ARHGAP24: variants seen among roughly 807,000 people sequenced by gnomAD.
ARHGAP24 encodes Rho GTPase activating protein 24.
Under a neutral mutation model 76.4 loss-of-function variants are expected in ARHGAP24, and 50 were observed. That is an observed-to-expected ratio of 0.65 (90% CI 0.52 to 0.83). The LOEUF is 0.83. Among genes scored for constraint, ARHGAP24 ranks in the 40% least tolerant of loss-of-function variants. The pLI, the probability that ARHGAP24 is intolerant of heterozygous loss-of-function variation, is 0.00. For synonymous variants in ARHGAP24, 345 were observed against 323.3 expected (o/e 1.07, Z -0.72); for missense variants, 930 against 914.2 (o/e 1.02, Z -0.22).
At position 85,902,095 on chromosome 4, in the gene ARHGAP24, G is replaced by T. The variant is rs556110626; in HGVS notation, c.269-21553G>T. ...GCAGTGTTTGGTTTTCTGTTCTTGTGTGAGTTTGCTGAGAATGATGGCTTC... is the reference window on the plus strand; with the variant it reads ...GCAGTGTTTGGTTTTCTGTTCTTGTTTGAGTTTGCTGAGAATGATGGCTTC... On this transcript the variant is annotated intron_variant, in intron 3 of 9. Transcript: ENST00000395184. Among the ~76,000 whole-genome samples, 54 of 152,262 alleles carry T rather than the reference G, an allele frequency of 3.5e-4. No individual in the cohort carries two copies. In the Middle Eastern group the frequency reaches 0.01, roughly 29 times the overall value.
At chr4:85,972,440 G>A (rs1230118758) in intron 6 of ARHGAP24, 2 of 440,536 alleles carry the variant, frequency 4.5e-6, no homozygotes, top group Non-Finnish European at 8.4e-6. Flanking sequence ...TGCTATGTCA[G>A]GCCACACATC....
At chr4:85,576,714 TG>T (rs1727391692) in intron 2 of ARHGAP24, among the ~76,000 whole-genome samples, 1 of 152,158 alleles carries the variant, frequency 6.6e-6, no homozygotes, top group African/African-American at 2.4e-5. Context: ...TTCCTAGAAA[TG>T]ATTATATGAA....
intron 2 of ARHGAP24, among the ~76,000 whole-genome samples, chr4:85,642,113 G>A (rs1721546597): frequency 6.6e-6 from 1 of 152,104 alleles, no homozygotes; most frequent in Admixed American, 6.6e-5. Context: ...AAGGCAGGCT[G>A]TAAAATTTCT....
chr4:85,653,131 A>T lies in ARHGAP24; in HGVS notation c.181-68754A>T, dbSNP rs373776992. 2.0e-5 allele frequency among the ~76,000 whole-genome samples: 3 copies of T among 152,232 alleles called. No individual in the cohort carries two copies. The East Asian group carries it at 5.8e-4, about 29-fold the overall frequency. On this transcript the variant is annotated intron_variant, in intron 2 of 9. Coordinates refer to ENST00000395184, the MANE Select transcript of ARHGAP24 (RefSeq NM_001025616.3). Reference sequence around the variant, plus strand: ...ATTATGTCCAAAACAAGGTACAGTCAGATACAATTTTAAACCATAAATGAT... The same window carrying T: ...ATTATGTCCAAAACAAGGTACAGTCTGATACAATTTTAAACCATAAATGAT...
At chr4:85,776,951 A>G (rs957039615) in intron 3 of ARHGAP24, among the ~76,000 whole-genome samples, 9 of 152,228 alleles carry the variant, frequency 5.9e-5, no homozygotes, top group Admixed American at 5.2e-4. Context: ...TGCAAGTAAT[A>G]TGTATCAATG....
At chr4:85,752,188 AGT>A (rs1188192042) in intron 3 of ARHGAP24, among the ~76,000 whole-genome samples, 1 of 152,166 alleles carries the variant, frequency 6.6e-6, no homozygotes, top group African/African-American at 2.4e-5. Context: ...TGGTATGGGG[AGT>A]GTCCTCAAAG....
At chr4:85,979,130 G>A (rs1739496352) in intron 8 of ARHGAP24, among the ~76,000 whole-genome samples, 2 of 152,098 alleles carry the variant, frequency 1.3e-5, no homozygotes, top group East Asian at 1.9e-4. Flanking sequence ...CTACAAGTTA[G>A]GACCTGGATA....
At chr4:85,485,117 G>T (rs552891477) in intron 1 of ARHGAP24, among the ~76,000 whole-genome samples, 7 of 151,252 alleles carry the variant, frequency 4.6e-5, no homozygotes, top group African/African-American at 1.7e-4. Context: ...AGGCCAAGGC[G>T]GGTGGATCAC....
chr4:85,632,127 G>T (rs116549436), intron 2 of ARHGAP24, among the ~76,000 whole-genome samples: 2 of 151,520 alleles, frequency 1.3e-5, no homozygotes, highest in African/African-American at 4.8e-5. Context: ...TCTTTATCTG[G>T]TGTGTTCATT....
intron 4 of ARHGAP24, among the ~76,000 whole-genome samples, chr4:85,927,019 A>G (rs1198152306): frequency 2.0e-5 from 3 of 152,170 alleles, no homozygotes; most frequent in African/African-American, 7.2e-5. Flanking sequence ...ATATAGTTTT[A>G]TGAGTCATTC....
chr4:85,885,009 G>C (rs912241614), intron 3 of ARHGAP24, among the ~76,000 whole-genome samples: 1 of 152,090 alleles, frequency 6.6e-6, no homozygotes, highest in African/African-American at 2.4e-5. Context: ...GAAATACAAA[G>C]AAACTGCAAG....
In ARHGAP24 at chr4:85,763,183, T is replaced by A. The variant is rs1231475285; in HGVS notation, c.268+41211T>A. 2.6e-5 allele frequency among the ~76,000 whole-genome samples: 4 copies of A among 152,308 alleles called. No homozygotes were observed. The East Asian group carries it at 5.8e-4, about 22-fold the overall frequency. On this transcript the variant is annotated intron_variant, in intron 3 of 9. Transcript: ENST00000395184. ...GTTGTTATTTAACTCTGAAAAAGCATGAAATATAGCAATCATTTGTGAGAA... is the reference window on the plus strand; with the variant it reads ...GTTGTTATTTAACTCTGAAAAAGCAAGAAATATAGCAATCATTTGTGAGAA...
rs111810420 is a variant in ARHGAP24 at position 85,919,906 on chromosome 4, T to C, written c.269-3742T>C. On this transcript the variant is annotated intron_variant, in intron 3 of 9. Coordinates refer to ENST00000395184, the MANE Select transcript of ARHGAP24 (RefSeq NM_001025616.3). ...AGTGGATCAGAATACAAAATTGATT[T>C]TTAGAACTGCGCCATGCTAAATGAA... is the stretch of plus-strand genomic sequence containing the variant. 8.4e-3 allele frequency among the ~76,000 whole-genome samples: 1,286 copies of C among 152,332 alleles called. 16 individuals are homozygous for C. Among genetic ancestry groups the C allele is most frequent in the African/African-American group, 0.027 (1,131 of 41,570 alleles).
chr4:85,638,007 C>T (rs1384211774), intron 2 of ARHGAP24, among the ~76,000 whole-genome samples: 3 of 152,068 alleles, frequency 2.0e-5, no homozygotes, highest in Non-Finnish European at 2.9e-5. Context: ...CACAAACCAT[C>T]TCAGTCATAC....
intron 3 of ARHGAP24, among the ~76,000 whole-genome samples, chr4:85,826,424 C>G (rs1332886857): frequency 6.6e-6 from 1 of 152,102 alleles, no homozygotes; most frequent in African/African-American, 2.4e-5. Flanking sequence ...GGGGCTCATG[C>G]TGCTCACAAT....
At position 85,875,532 on chromosome 4, in the gene ARHGAP24, A is replaced by G. The variant is rs1216852754; in HGVS notation, c.269-48116A>G. Among the ~76,000 whole-genome samples, 32 of 95,684 alleles carry G rather than the reference A, an allele frequency of 3.3e-4. 2 individuals carry two copies. Among genetic ancestry groups the G allele is most frequent in the Non-Finnish European group, 5.2e-4 (28 of 54,050 alleles). The allele number at this position is 95,684 out of a possible 152,430, so 62.8% of individuals were successfully genotyped here. A position where few individuals can be genotyped will look rare whatever the true frequency, so the allele number is the denominator to read the frequency against. On this transcript the variant is annotated intron_variant, in intron 3 of 9. Transcript: ENST00000395184. ...ATTATAATATTATATTGTATATAAT[A>G]TATATTATTTATATTTTATATTATA...
At chr4:85,874,081 C>T (rs1211442248) in intron 3 of ARHGAP24, among the ~76,000 whole-genome samples, 1 of 152,024 alleles carries the variant, frequency 6.6e-6, no homozygotes, top group Non-Finnish European at 1.5e-5. Flanking sequence ...TAGGTTTTCC[C>T]ATAGAATAAA....
chr4:85,922,021 A>G (rs1407910646), intron 3 of ARHGAP24, among the ~76,000 whole-genome samples: 2 of 152,310 alleles, frequency 1.3e-5, no homozygotes, highest in East Asian at 3.9e-4. Flanking sequence ...TAGACATGTA[A>G]AAGAATCACT....
intron 7 of ARHGAP24, among the ~76,000 whole-genome samples, chr4:85,976,694 A>G (rs1739347396): frequency 1.3e-5 from 2 of 152,188 alleles, no homozygotes; most frequent in East Asian, 3.9e-4. Context: ...CTTACTTTTT[A>G]GCACCTAATA....
Sources: gnomAD v4.1 joint callset for allele counts (sites outside exome capture counted in the v4.1 genomes callset) on GRCh38, gnomAD v4.1.1 for gene constraint, MANE v1.5 for transcripts, NCBI Gene and HGNC (gene_info 2026-07-23, HGNC 2026-07-21) for gene names.